Variants in KCNAB1 observed in about 807,000 individuals in gnomAD.
KCNAB1 encodes the protein potassium voltage-gated channel subfamily A regulatory beta subunit 1.
Under a neutral mutation model 64.6 loss-of-function variants are expected in KCNAB1, and 35 were observed. The ratio of observed to expected loss-of-function variants is 0.54; its 90% CI spans 0.41 to 0.72. The LOEUF (loss-of-function observed/expected upper bound fraction) is 0.72. KCNAB1 is among the 30% of genes least tolerant of loss of function. KCNAB1 has a pLI of 0.00. For synonymous variants in KCNAB1, 177 were observed against 183.8 expected, an observed-to-expected ratio of 0.96 and a Z score of 0.30; for missense variants, 401 against 512.9, an observed-to-expected ratio of 0.78 and a Z score of 2.11.
At chr3:156,239,349 T>A (rs894941484) in intron 1 of KCNAB1, among the ~76,000 whole-genome samples, 20 of 152,252 alleles carry the variant, frequency 1.3e-4, no homozygotes, top group Admixed American at 2.6e-4. Context: ...GGTAGTAGTT[T>A]GTATTTCTCT....
At chr3:156,526,658 A>AAGCACCTCAGGCTCATATG (rs1559931318) in intron 12 of KCNAB1, among the ~76,000 whole-genome samples, 1 of 152,058 alleles carries the variant, frequency 6.6e-6, no homozygotes, top group East Asian at 1.9e-4. Flanking sequence ...CAGGTTCTAT[A>AAGCACCTCAGGCTCATATG]GTAAGCACCT....
intron 1 of KCNAB1, among the ~76,000 whole-genome samples, chr3:156,286,445 A>G (rs1294405639): frequency 2.0e-5 from 3 of 152,326 alleles, no homozygotes; most frequent in African/African-American, 7.2e-5. Flanking sequence ...TGGCTGCATA[A>G]TTGAGTGTTT....
intron 2 of KCNAB1, among the ~76,000 whole-genome samples, chr3:156,448,704 G>C (rs1364022272): frequency 6.6e-6 from 1 of 152,064 alleles, no homozygotes; most frequent in South Asian, 2.1e-4. Flanking sequence ...AAAGATTATT[G>C]ATAAGCATTA....
At chr3:156,475,243 G>A (rs1016486185) in intron 8 of KCNAB1, among the ~76,000 whole-genome samples, 3 of 152,156 alleles carry the variant, frequency 2.0e-5, no homozygotes, top group Non-Finnish European at 2.9e-5. Flanking sequence ...ATGCTCAGTG[G>A]TGCCACCAGC....
At chr3:156,291,353 G>T (rs1340890588) in intron 1 of KCNAB1, 2 of 994,238 alleles carry the variant, frequency 2.0e-6, no homozygotes, top group Non-Finnish European at 2.4e-6. Flanking sequence ...CCACCAGTCC[G>T]AGGGGACCCG....
chr3:156,153,824 T>A (rs1715558912), intron 1 of KCNAB1, among the ~76,000 whole-genome samples: 1 of 152,234 alleles, frequency 6.6e-6, no homozygotes, highest in Non-Finnish European at 1.5e-5. Flanking sequence ...CCTTCAGATT[T>A]GGATCAGAAT....
chr3:156,221,516 C>T (rs540286174), intron 1 of KCNAB1, among the ~76,000 whole-genome samples: 5 of 152,116 alleles, frequency 3.3e-5, no homozygotes, highest in Non-Finnish European at 5.9e-5. Context: ...TGGAGACTCA[C>T]GCCTGTAATC....
At chr3:156,257,770 T>C (rs764359957) in intron 1 of KCNAB1, among the ~76,000 whole-genome samples, 19 of 152,302 alleles carry the variant, frequency 1.2e-4, no homozygotes, top group Non-Finnish European at 1.9e-4. Flanking sequence ...ACATGGATGG[T>C]GACTGGCTGG....
intron 1 of KCNAB1, among the ~76,000 whole-genome samples, chr3:156,156,406 A>G (rs962438337): frequency 6.6e-6 from 1 of 152,204 alleles, no homozygotes; most frequent in Admixed American, 6.5e-5. Flanking sequence ...GATTGTCTGA[A>G]TGCTATGTTG....
intron 1 of KCNAB1, among the ~76,000 whole-genome samples, chr3:156,249,146 G>A (rs1245911864): frequency 6.6e-6 from 1 of 152,098 alleles, no homozygotes; most frequent in Non-Finnish European, 1.5e-5. Context: ...AAAGTGCTAT[G>A]GAGAAAAATA....
intron 7 of KCNAB1, among the ~76,000 whole-genome samples, chr3:156,467,677 T>C (rs1415584295): frequency 6.6e-6 from 1 of 152,126 alleles, no homozygotes; most frequent in Non-Finnish European, 1.5e-5. Flanking sequence ...AACCTAAGCC[T>C]TGATTTTTTT....
chr3:156,395,884 C>T (rs1021598580), intron 1 of KCNAB1, among the ~76,000 whole-genome samples: 2 of 152,140 alleles, frequency 1.3e-5, no homozygotes, highest in African/African-American at 4.8e-5. Context: ...AAGCAGCCAC[C>T]TTCCTTACTA....
chr3:156,195,684 T>G (rs1713869318), intron 1 of KCNAB1, among the ~76,000 whole-genome samples: 1 of 152,236 alleles, frequency 6.6e-6, no homozygotes, highest in African/African-American at 2.4e-5. Context: ...ATTCTGGATA[T>G]TAGCCTTTTG....
chr3:156,532,308 A>C (rs1042367288), intron 13 of KCNAB1, among the ~76,000 whole-genome samples: 2 of 152,106 alleles, frequency 1.3e-5, no homozygotes, highest in African/African-American at 4.8e-5. Flanking sequence ...GGTGGAGTTT[A>C]GTATCTATTG....
intron 1 of KCNAB1, among the ~76,000 whole-genome samples, chr3:156,367,403 G>A (rs1726017650): frequency 6.6e-6 from 1 of 151,256 alleles, no homozygotes; most frequent in African/African-American, 2.4e-5. Flanking sequence ...GGATGGTCTC[G>A]ATCTCCTGAC....
intron 12 of KCNAB1, among the ~76,000 whole-genome samples, chr3:156,528,559 C>G (rs546978071): frequency 3.3e-5 from 5 of 152,244 alleles, no homozygotes; most frequent in African/African-American, 9.6e-5. Flanking sequence ...AGAGTAGGAG[C>G]TTGGAATTCA....
At position 156,180,070 on chromosome 3, in the gene KCNAB1, A is replaced by G. The variant is rs1712704332; in HGVS notation, c.275+59184A>G. ...TTATTGCCATCATCCTCCTTCTATA[A>G]TTGAAGAAATGAAGGCTTAGAAGGA... On this transcript the variant is annotated intron_variant, in intron 1 of 13. Coordinates refer to ENST00000490337, the MANE Select transcript of KCNAB1 (RefSeq NM_172160.3). Among the ~76,000 whole-genome samples, 3 of 152,282 alleles carry G rather than the reference A, an allele frequency of 2.0e-5. No individual in the cohort carries two copies. The South Asian group carries it at 6.2e-4, about 32-fold the overall frequency.
chr3:156,511,628 A>ACT (rs1267295171), intron 8 of KCNAB1, among the ~76,000 whole-genome samples: 1 of 151,096 alleles, frequency 6.6e-6, no homozygotes, highest in Non-Finnish European at 1.5e-5. Context: ...TCCATCCACC[A>ACT]CTCTCTCTGT....
chr3:156,458,147 T>C (rs1359937052), intron 4 of KCNAB1, among the ~76,000 whole-genome samples: 2 of 151,848 alleles, frequency 1.3e-5, no homozygotes, highest in African/African-American at 4.8e-5. Flanking sequence ...CTGCAGAGAG[T>C]CCTCGCTTCT....
Sources: gnomAD v4.1 joint callset for allele counts (sites outside exome capture counted in the v4.1 genomes callset) on GRCh38, gnomAD v4.1.1 for gene constraint, MANE v1.5 for transcripts, NCBI Gene and HGNC (gene_info 2026-07-23, HGNC 2026-07-21) for gene names.